PLCB4: variants seen among roughly 807,000 people sequenced by gnomAD.
The protein encoded by PLCB4 is 1-phosphatidylinositol 4,5-bisphosphate phosphodiesterase beta-4.
Under a neutral mutation model 178.8 loss-of-function variants are expected in PLCB4, and 77 were observed. The observed-to-expected ratio is 0.43, with a 90% CI of 0.36 to 0.52. The LOEUF (loss-of-function observed/expected upper bound fraction) is 0.52, where lower values mean the gene tolerates loss of function less well. Among genes scored for constraint, PLCB4 ranks in the 20% least tolerant of loss-of-function variants. PLCB4 has a pLI of 0.00. For synonymous variants in PLCB4, 496 were observed against 490.8 expected, an observed-to-expected ratio of 1.01 and a Z score of -0.14; for missense variants, 1,024 against 1,453.4, an observed-to-expected ratio of 0.70 and a Z score of 4.80.
chr20:9,348,595 G>A (rs541165226), intron 7 of PLCB4, among the ~76,000 whole-genome samples: 29 of 152,212 alleles, frequency 1.9e-4, no homozygotes, highest in African/African-American at 6.5e-4. Flanking sequence ...TGTCTCTGTG[G>A]CACATCTCTA....
At chr20:9,468,718 GAC>G (rs2043974111) in intron 36 of PLCB4, 46 bp downstream of exon 36, 2 of 1,095,924 alleles carry the variant, frequency 1.8e-6, no homozygotes, top group African/African-American at 3.1e-5. Flanking sequence ...TTGACTTGAG[GAC>G]ACAGTCTCAA....
At chr20:9,415,418 A>T (rs1375841579) in intron 25 of PLCB4, among the ~76,000 whole-genome samples, 1 of 152,256 alleles carries the variant, frequency 6.6e-6, no homozygotes, top group Non-Finnish European at 1.5e-5. Flanking sequence ...TCTTGCAGCT[A>T]AATAAAATAA....
Position 9,444,005 on chromosome 20 carries a change from G to T in PLCB4, c.2789G>T (p.Arg930Met), listed in dbSNP as rs1179972125. 1.2e-6 allele frequency: 2 copies of T among 1,601,398 alleles called. No individual in the cohort carries two copies. Among genetic ancestry groups the T allele is most frequent in the East Asian group, 2.2e-5 (1 of 44,694 alleles). ...KKGIELIPQV[R>M]IEDLKQMKAY... Reference sequence around the variant, plus strand: ...GGTATTGAACTTATCCCTCAAGTAAGGATAGAAGACTTAAAGCAGATGAAG... The same window carrying T: ...GGTATTGAACTTATCCCTCAAGTAATGATAGAAGACTTAAAGCAGATGAAG... The change falls in exon 31 of 40, where the codon AGG becomes ATG. Residue 930 changes from arginine (R) to methionine (M), a missense_variant. Around this residue, in one of 7 missense-constraint regions of PLCB4, gnomAD observed 227 missense variants for 374.3 expected, o/e 0.61. Coordinates refer to ENST00000378473, the MANE Select transcript of PLCB4 (RefSeq NM_001377142.1).
chr20:9,478,022 C>T (rs1271051094), intron 39 of PLCB4, among the ~76,000 whole-genome samples: 1 of 152,084 alleles, frequency 6.6e-6, no homozygotes. Context: ...TTCAAAGCAG[C>T]ATGTCACTAA....
chr20:9,315,073 C>T (rs1268353350), intron 4 of PLCB4, among the ~76,000 whole-genome samples: 2 of 151,850 alleles, frequency 1.3e-5, no homozygotes, highest in Admixed American at 6.6e-5. Flanking sequence ...GGTGAAACCC[C>T]GTCTACATAA....
chr20:9,472,263 G>C (rs1375060948), intron 36 of PLCB4, among the ~76,000 whole-genome samples: 1 of 152,140 alleles, frequency 6.6e-6, no homozygotes, highest in African/African-American at 2.4e-5. Context: ...TAGAAATTCA[G>C]ACCTCCCACC....
intron 25 of PLCB4, among the ~76,000 whole-genome samples, chr20:9,417,700 T>A (rs1044014537): frequency 2.0e-5 from 3 of 152,182 alleles, no homozygotes; most frequent in African/African-American, 7.2e-5. Context: ...TCTTTCCATT[T>A]ATCTTGGTTA....
chr20:9,131,210 A>C (rs1246052835), intron 2 of PLCB4, among the ~76,000 whole-genome samples: 1 of 152,122 alleles, frequency 6.6e-6, no homozygotes, highest in African/African-American at 2.4e-5. Context: ...CAATTGATTT[A>C]TCAACCAATT....
rs545486628 is a variant in PLCB4, at chr20:9,378,056, C to T, written c.745-1998C>T. Among the ~76,000 whole-genome samples, 55 of 152,228 alleles carry T rather than the reference C, an allele frequency of 3.6e-4. 1 individual carries two copies. In the South Asian group the frequency reaches 0.011, roughly 32 times the overall value. On this transcript the variant is annotated intron_variant, in intron 12 of 39. Coordinates refer to ENST00000378473, the MANE Select transcript of PLCB4 (RefSeq NM_001377142.1). ...GGCTGATGCTGCCATCCACAGATCA[C>T]ACTTCAGGTAGTACCTTGTCAGAAT...
intron 39 of PLCB4, among the ~76,000 whole-genome samples, chr20:9,477,381 G>T (rs538424457): frequency 6.6e-6 from 1 of 152,160 alleles, no homozygotes; most frequent in African/African-American, 2.4e-5. Context: ...GAGAATGAAT[G>T]GTCACCCAAC....
At chr20:9,116,732 TC>T (rs1466712693) in intron 2 of PLCB4, among the ~76,000 whole-genome samples, 2 of 152,112 alleles carry the variant, frequency 1.3e-5, no homozygotes, top group Non-Finnish European at 2.9e-5. Flanking sequence ...TGAAAAAAAA[TC>T]CCAGTGGAAA....
At chr20:9,297,347 G>C (rs979805517) in intron 3 of PLCB4, among the ~76,000 whole-genome samples, 9 of 151,970 alleles carry the variant, frequency 5.9e-5, no homozygotes, top group African/African-American at 1.9e-4. Flanking sequence ...GAATAATATG[G>C]TGGACTCTGG....
At chr20:9,337,313 C>G (rs929575902) in intron 5 of PLCB4, 107 bp downstream of exon 5, 1 of 767,812 alleles carries the variant, frequency 1.3e-6, no homozygotes, top group Non-Finnish European at 2.3e-6. Context: ...CTTATTCATT[C>G]ATTCAAGATT....
At chr20:9,259,320 A>C in intron 3 of PLCB4, among the ~76,000 whole-genome samples, 1 of 152,204 alleles carries the variant, frequency 6.6e-6, no homozygotes, top group East Asian at 1.9e-4. Context: ...TCATATTGTA[A>C]ATGTTATTCA....
At chr20:9,129,426 A>G (rs1029122753) in intron 2 of PLCB4, among the ~76,000 whole-genome samples, 4 of 152,146 alleles carry the variant, frequency 2.6e-5, no homozygotes, top group Admixed American at 2.0e-4. Flanking sequence ...AATCTGCTTG[A>G]TATCACATTC....
At chr20:9,241,618 A>G (rs921966298) in intron 3 of PLCB4, among the ~76,000 whole-genome samples, 11 of 152,228 alleles carry the variant, frequency 7.2e-5, no homozygotes, top group African/African-American at 2.4e-4. Context: ...AGCAATGGAA[A>G]TAGGAGGCTT....
At chr20:9,239,242 ACTT>A in intron 3 of PLCB4, among the ~76,000 whole-genome samples, 1 of 151,820 alleles carries the variant, frequency 6.6e-6, no homozygotes, top group Non-Finnish European at 1.5e-5. Context: ...TTCCACTCCC[ACTT>A]CTTAACAGTC....
At chr20:9,180,484 C>T (rs2093227706) in intron 2 of PLCB4, among the ~76,000 whole-genome samples, 1 of 152,160 alleles carries the variant, frequency 6.6e-6, no homozygotes, top group African/African-American at 2.4e-5. Flanking sequence ...TGGAAGGATG[C>T]ATGCTGAAGT....
At chr20:9,173,473 G>A (rs979673753) in intron 2 of PLCB4, among the ~76,000 whole-genome samples, 7 of 152,176 alleles carry the variant, frequency 4.6e-5, no homozygotes, top group African/African-American at 7.2e-5. Context: ...ACAAACTGCC[G>A]TAAACTTAGT....
Sources: allele counts gnomAD v4.1 joint callset (sites outside exome capture counted in the v4.1 genomes callset), GRCh38; gene constraint gnomAD v4.1.1; regional missense constraint gnomAD v4.1.1; transcripts MANE v1.5; gene names NCBI Gene and HGNC (gene_info 2026-07-23, HGNC 2026-07-21).